Variants in CHIT1 observed in about 807,000 individuals in gnomAD.
CHIT1 encodes the protein chitinase 1.
CHIT1 carries 47 observed loss-of-function variants against 52.0 expected under a neutral mutation model. The ratio of observed to expected loss-of-function variants is 0.90; its 90% CI spans 0.71 to 1.15. The LOEUF (loss-of-function observed/expected upper bound fraction) is 1.15, where lower values mean the gene tolerates loss of function less well. Ranked by LOEUF, CHIT1 falls within the 50% of genes most tolerant of loss-of-function variation. CHIT1 has a pLI of 0.00. For missense variants in CHIT1, 569 were observed against 583.0 expected (o/e 0.98, Z 0.25); for synonymous variants, 242 against 228.2 (o/e 1.06, Z -0.54).
chr1:203,224,672 TGGGACAA>T (rs1656859010), intron 4 of CHIT1, among the ~76,000 whole-genome samples: 1 of 152,226 alleles, frequency 6.6e-6, no homozygotes, highest in Admixed American at 6.5e-5. Context: ...ACACTCTTTC[TGGGACAA>T]GGTACCCCAT....
At chr1:203,228,761 T>C (rs1006229254) in intron 1 of CHIT1, among the ~76,000 whole-genome samples, 199 bp from the exon 2 acceptor site, 1 of 152,184 alleles carries the variant, frequency 6.6e-6, no homozygotes, top group African/African-American at 2.4e-5. Context: ...CTTCCTGGCC[T>C]GGGTTGGTCC....
intron 10 of CHIT1, 191 bp from the exon 11 acceptor site, chr1:203,217,324 C>A: frequency 6.5e-7 from 1 of 1,527,618 alleles, no homozygotes; most frequent in Non-Finnish European, 8.8e-7. Context: ...CACAGTGCCA[C>A]AGGCAACACC....
chr1:203,220,780 C>G (rs946257), intron 7 of CHIT1, among the ~76,000 whole-genome samples: 47,000 of 152,094 alleles, frequency 0.31, 7,357 homozygotes, highest in Admixed American at 0.36. Flanking sequence ...AGGCAGAAGT[C>G]GGGGCTTCTC....
rs1394716778 is a variant in CHIT1, at chr1:203,219,321, G to A, written c.924C>T (p.Ser308=). 1.3e-6 allele frequency: 2 copies of A among 1,598,280 alleles called. No individual in the cohort carries two copies. The highest frequency in any genetic ancestry group is 2.2e-5 in the East Asian group (1 of 44,788). Residue 308 remains serine (S), a synonymous_variant, in exon 9 of 11, where the codon TCC becomes TCT. Transcript: ENST00000367229. ...TTCTCTGTTTGGTGGCCCCCTTCCAGGAGCAGACCTGTGGGAGCAGAAGGC... is the reference window on the plus strand; with the variant it reads ...TTCTCTGTTTGGTGGCCCCCTTCCAAGAGCAGACCTGTGGGAGCAGAAGGC... ...GGMLAYYEVC[S]WKGATKQRIQ...
chr1:203,220,041 C>T (rs1286463392), intron 7 of CHIT1, among the ~76,000 whole-genome samples, 192 bp from the exon 8 acceptor site: 1 of 152,192 alleles, frequency 6.6e-6, no homozygotes, highest in Non-Finnish European at 1.5e-5. Flanking sequence ...AGTGAAGAAG[C>T]TGCATGGCAT....
At chr1:203,222,407 TGCATGGCCTAG>T in intron 6 of CHIT1, 82 bp from the exon 7 acceptor site, 2 of 1,600,426 alleles carry the variant, frequency 1.2e-6, no homozygotes, top group Non-Finnish European at 1.7e-6. Flanking sequence ...ACCCCCTCAG[TGCATGGCCTAG>T]GGAGGAACCA....
At chr1:203,223,093 C>T (rs778368837) in intron 6 of CHIT1, 42 bp downstream of exon 6, 3 of 1,612,862 alleles carry the variant, frequency 1.9e-6, no homozygotes, top group South Asian at 1.1e-5. Context: ...GGCCTCTCTT[C>T]CCTCAGAGAG....
At chr1:203,227,083 T>A (rs1656954074) in intron 2 of CHIT1, among the ~76,000 whole-genome samples, 1 of 152,132 alleles carries the variant, frequency 6.6e-6, no homozygotes, top group African/African-American at 2.4e-5. Flanking sequence ...AATGCCCACA[T>A]GGACAGGGAT....
Position 203,222,241 on chromosome 1 carries a change from C to T in CHIT1, c.690G>A (p.Lys230=). Residue 230 remains lysine, a synonymous_variant, in exon 7 of 11, where the codon AAG becomes AAA. Transcript: ENST00000367229. ...KVTGHNSPLY[K]RQEESGAAAS... The stretch of plus-strand genomic sequence containing the variant: ...CTGCTGCACCACTCTCTTCTTGCCT[C>T]TTGTAGAGGGGGCTGTTATGTCCCG... The T allele has an allele frequency of 6.2e-7, 1 of 1,614,180 alleles. No homozygotes were observed. The highest frequency in any genetic ancestry group is 1.1e-5 in the South Asian group (1 of 91,088).
intron 9 of CHIT1, chr1:203,218,214 G>T: frequency 1.7e-6 from 1 of 602,438 alleles, no homozygotes; most frequent in Non-Finnish European, 2.3e-6. Flanking sequence ...ATTGTATGCT[G>T]GTCAAGGTCA....
intron 2 of CHIT1, among the ~76,000 whole-genome samples, chr1:203,227,632 G>A (rs956899731): frequency 6.6e-6 from 1 of 152,190 alleles, no homozygotes; most frequent in Admixed American, 6.5e-5. Context: ...GTTAATATAT[G>A]TAAAACACTC....
intron 10 of CHIT1, 103 bp downstream of exon 10, chr1:203,217,636 C>T: frequency 1.3e-6 from 2 of 1,568,978 alleles, no homozygotes; most frequent in Non-Finnish European, 1.7e-6. Context: ...GGGGCAAAGT[C>T]ATTTCCTCAG....
intron 9 of CHIT1, chr1:203,218,189 G>A (rs1656608140): frequency 8.5e-7 from 1 of 1,171,046 alleles, no homozygotes; most frequent in Non-Finnish European, 1.1e-6. Flanking sequence ...GGGCTGAGCT[G>A]CTTTATTTAA....
chr1:203,216,104 C>T lies in CHIT1; in HGVS notation c.*785G>A, dbSNP rs1656514137. 1 of 453,948 alleles carries T rather than the reference C, an allele frequency of 2.2e-6. No individual in the cohort carries two copies. The highest frequency in any genetic ancestry group is 4.4e-6 in the Non-Finnish European group (1 of 226,626). 28.1% of individuals were successfully genotyped at this position (453,948 alleles called of 1,614,324 possible). On this transcript the variant is annotated 3_prime_UTR_variant, in exon 11 of 11. Coordinates refer to ENST00000367229, the MANE Select transcript of CHIT1 (RefSeq NM_003465.3). Reference sequence around the variant, plus strand: ...GAATGTTGGGATGACTTTATTTAACCAGGACACCGTGTGCATGCTCTCTGG... The same window carrying T: ...GAATGTTGGGATGACTTTATTTAACTAGGACACCGTGTGCATGCTCTCTGG...
chr1:203,226,521 T>A (rs1311481445), intron 2 of CHIT1, among the ~76,000 whole-genome samples: 1 of 152,228 alleles, frequency 6.6e-6, no homozygotes, highest in Non-Finnish European at 1.5e-5. Flanking sequence ...CCTGGGTTTA[T>A]GTTTCTTTAG....
intron 7 of CHIT1, among the ~76,000 whole-genome samples, chr1:203,220,788 C>T (rs1656706153): frequency 1.3e-5 from 2 of 152,230 alleles, no homozygotes; most frequent in South Asian, 4.1e-4. Context: ...GTCGGGGCTT[C>T]TCCTGATCTG....
At chr1:203,219,508 G>T in intron 8 of CHIT1, 156 bp downstream of exon 8, 1 of 1,028,794 alleles carries the variant, frequency 9.7e-7, no homozygotes, top group Non-Finnish European at 1.5e-6. Flanking sequence ...TGGGCTTAAG[G>T]ATAAATTCAA....
rs781015323 is a variant in CHIT1, at chr1:203,228,563, C to A, written c.26-1G>T. On this transcript the variant is annotated splice_acceptor_variant, in intron 1 of 10. Coordinates refer to ENST00000367229, the MANE Select transcript of CHIT1 (RefSeq NM_003465.3). LOFTEE classifies it high-confidence loss of function. ...GGGATCATCAGCAGGACCATGAAAC[C>A]TGGAGCAACACAAGAGAGAAGGCCA... The A allele has an allele frequency of 6.3e-7, 1 of 1,586,054 alleles. No homozygotes were observed. Among genetic ancestry groups the A allele is most frequent in the Non-Finnish European group, 8.6e-7 (1 of 1,164,102 alleles).
chr1:203,225,820 G>A lies in CHIT1; in HGVS notation c.106C>T (p.Gln36Ter), dbSNP rs760260258. ...TTGGGCAGGAAGCGAGCCTCCCCCT[G>A]TCTGTACTGGGCCCAGTTGGTGAAG... ...CYFTNWAQYR[Q>*]GEARFLPKDL... The change falls in exon 3 of 11, where the codon CAG (glutamine) becomes TAG (stop). Residue 36 changes from glutamine (Q) to a stop codon, truncating the protein, a stop_gained. Coordinates refer to ENST00000367229, the MANE Select transcript of CHIT1 (RefSeq NM_003465.3). LOFTEE classifies it high-confidence loss of function. The A allele has an allele frequency of 6.2e-7, 1 of 1,614,194 alleles. No individual in the cohort carries two copies. Among genetic ancestry groups the A allele is most frequent in the Non-Finnish European group, 8.5e-7 (1 of 1,180,042 alleles).
Sources: allele counts gnomAD v4.1 joint callset (sites outside exome capture counted in the v4.1 genomes callset), GRCh38; gene constraint gnomAD v4.1.1; transcripts MANE v1.5; gene names NCBI Gene and HGNC (gene_info 2026-07-23, HGNC 2026-07-21).